The following ANKRD13A variants were observed in gnomAD, a reference collection of about 807,000 sequenced individuals.
The protein encoded by ANKRD13A is ankyrin repeat domain 13A.
Under a neutral mutation model 81.3 loss-of-function variants are expected in ANKRD13A, and 48 were observed. That is an observed-to-expected ratio of 0.59 (90% CI 0.47 to 0.75). ANKRD13A has a LOEUF of 0.75. Among genes scored for constraint, ANKRD13A ranks in the 30% least tolerant of loss-of-function variants. The pLI, the probability that ANKRD13A is intolerant of heterozygous loss-of-function variation, is 0.00. For synonymous variants in ANKRD13A, 230 were observed against 270.1 expected (o/e 0.85, Z 1.45); for missense variants, 612 against 734.0 (o/e 0.83, Z 1.92).
At position 110,013,160 on chromosome 12, in the gene ANKRD13A, A is replaced by G; in HGVS notation, c.265A>G (p.Met89Val). The G allele has an allele frequency of 5.0e-6, 8 of 1,614,180 alleles. No individual in the cohort carries two copies. The highest frequency in any genetic ancestry group is 6.8e-6 in the Non-Finnish European group (8 of 1,180,020). ...HEAVSTGDPE[M>V]VYTVLQHRDY... ...GGCTGTGAGCACTGGCGATCCTGAG[A>G]TGGTGTACACAGTTCTCCAACATCG... Residue 89 changes from methionine (M) to valine (V), a missense_variant, in exon 3 of 15, where the codon ATG (methionine) becomes GTG (valine). Met to Val is a conservative substitution (Grantham distance 21, BLOSUM62 1). Transcript: ENST00000261739.
rs1179698147 is a variant in ANKRD13A, at chr12:110,038,856, T to C, written c.*1302T>C. 6.6e-6 allele frequency: 1 copy of C among 152,134 alleles called. No individual in the cohort carries two copies. The highest frequency in any genetic ancestry group is 1.9e-4 in the East Asian group (1 of 5,176). 9.4% of individuals were successfully genotyped at this position (152,134 alleles called of 1,614,324 possible). A position where few individuals can be genotyped will look rare whatever the true frequency, so the allele number is the denominator to read the frequency against. On this transcript the variant is annotated 3_prime_UTR_variant, in exon 15 of 15. Transcript: ENST00000261739. Reference sequence around the variant, plus strand: ...CAAGGGCACTGCTCACTGTGGCCCGTGTATTCATTCCCACAGGCTGCACTG... The same window carrying C: ...CAAGGGCACTGCTCACTGTGGCCCGCGTATTCATTCCCACAGGCTGCACTG...
At position 110,033,893 on chromosome 12, in the gene ANKRD13A, A is replaced by G; in HGVS notation, c.1445A>G (p.Asp482Gly). 6.2e-7 allele frequency: 1 copy of G among 1,613,752 alleles called. No homozygotes were observed. The highest frequency in any genetic ancestry group is 8.5e-7 in the Non-Finnish European group (1 of 1,179,876). ...QDNGRNVHLQ[D>G]EDYEIMQFAI... Reference sequence around the variant, plus strand: ...AATGGCAGAAATGTGCATTTGCAAGATGAAGATTACGAGATAATGCAGTTT... The same window carrying G: ...AATGGCAGAAATGTGCATTTGCAAGGTGAAGATTACGAGATAATGCAGTTT... The change falls in exon 13 of 15, where the codon GAT becomes GGT. Residue 482 changes from aspartate to glycine, a missense_variant. By Grantham distance (94) the Asp-to-Gly change is moderately conservative. Transcript: ENST00000261739.
intron 4 of ANKRD13A, 115 bp downstream of exon 4, chr12:110,016,548 A>G (rs868519969): frequency 2.1e-6 from 2 of 946,982 alleles, no homozygotes; most frequent in African/African-American, 1.6e-5. Flanking sequence ...AAGGAAATAC[A>G]TAGTGAAGAA....
At chr12:110,009,227 A>G (rs1415938955) in intron 1 of ANKRD13A, among the ~76,000 whole-genome samples, 1 of 152,006 alleles carries the variant, frequency 6.6e-6, no homozygotes, top group Non-Finnish European at 1.5e-5. Context: ...GGCTACAGGC[A>G]TGTGCCACCA....
chr12:110,004,808 A>C (rs1460044986), intron 1 of ANKRD13A, among the ~76,000 whole-genome samples: 7 of 152,202 alleles, frequency 4.6e-5, no homozygotes, highest in African/African-American at 1.7e-4. Flanking sequence ...AATAACAGGT[A>C]ACTCTTCTCA....
At chr12:110,027,438 A>G in intron 8 of ANKRD13A, 1 of 403,408 alleles carries the variant, frequency 2.5e-6, no homozygotes, top group Admixed American at 3.9e-5. Context: ...GTGGGGTTGG[A>G]ATCCAGGTCT....
chr12:110,018,601 A>T lies in ANKRD13A; in HGVS notation c.544+113A>T. 2 of 1,292,966 alleles carry T rather than the reference A, an allele frequency of 1.5e-6. No individual in the cohort carries two copies. Among genetic ancestry groups the T allele is most frequent in the South Asian group, 3.0e-5 (2 of 66,070 alleles). The allele number at this position is 1,292,966 out of a possible 1,614,324, so 80.1% of individuals were successfully genotyped here. On this transcript the variant is annotated intron_variant, in intron 5 of 14. Transcript: ENST00000261739. This position sits in a 1 kb window ranked among gnomAD's most constrained non-coding sequence, Gnocchi z 4.4. ...TTTTCTGTCTGATCCTTCCTAGGGC[A>T]TGTTTTTTTGGTTATTCTTATTAAT...
intron 2 of ANKRD13A, 65 bp downstream of exon 2, chr12:110,012,202 A>G: frequency 6.6e-7 from 1 of 1,503,764 alleles, no homozygotes; most frequent in Admixed American, 2.0e-5. Flanking sequence ...TGTCTCTACA[A>G]AAAAATATGA....
chr12:110,015,099 CTT>C (rs1890726697), intron 3 of ANKRD13A, among the ~76,000 whole-genome samples: 1 of 151,794 alleles, frequency 6.6e-6, no homozygotes, highest in African/African-American at 2.4e-5. Flanking sequence ...TGAAGGGTAA[CTT>C]TTAGATTTCT....
intron 1 of ANKRD13A, among the ~76,000 whole-genome samples, chr12:110,001,907 G>T (rs1394065226): frequency 6.6e-6 from 1 of 152,124 alleles, no homozygotes; most frequent in African/African-American, 2.4e-5. Flanking sequence ...ACATGGTACA[G>T]AGGTAAAAAC....
chr12:110,004,452 C>G (rs1890143199), intron 1 of ANKRD13A, among the ~76,000 whole-genome samples: 1 of 151,652 alleles, frequency 6.6e-6, no homozygotes, highest in Non-Finnish European at 1.5e-5. Flanking sequence ...CCCGTCTCTA[C>G]TAAAAATACA....
intron 12 of ANKRD13A, among the ~76,000 whole-genome samples, chr12:110,032,057 C>G (rs1891725516): frequency 1.3e-5 from 2 of 151,744 alleles, no homozygotes; most frequent in Admixed American, 1.3e-4. Flanking sequence ...ATTTCTTTTT[C>G]TTGACTTACT....
In ANKRD13A at chr12:110,025,818, A is replaced by G; in HGVS notation, c.878A>G (p.Tyr293Cys). 1 of 1,613,488 alleles carries G rather than the reference A, an allele frequency of 6.2e-7. No individual in the cohort carries two copies. ...EHLTEEEKKRYKADRNPLESL... is the reference protein window; with the variant it reads ...EHLTEEEKKRCKADRNPLESL... ...CTGACCGAGGAGGAAAAAAAGAGAT[A>G]TAAAGGTAATCACCACCACCCTCCC... The change falls in exon 8 of 15, where the codon TAT (tyrosine) becomes TGT (cysteine). Residue 293 changes from tyrosine (Y) to cysteine (C), a missense_variant. Transcript: ENST00000261739.
rs1182684731 is a variant in ANKRD13A, at chr12:110,039,310, T to C, written c.*1756T>C. On this transcript the variant is annotated 3_prime_UTR_variant, in exon 15 of 15. Coordinates refer to ENST00000261739, the MANE Select transcript of ANKRD13A (RefSeq NM_033121.2). ...CTGCTCCCTAAGGTCCTTGACTTTC[T>C]CCCCAGGAATTCACTTAAAAAGGGA... 1 of 152,218 alleles carries C rather than the reference T, an allele frequency of 6.6e-6. No homozygotes were observed. The highest frequency in any genetic ancestry group is 1.5e-5 in the Non-Finnish European group (1 of 68,036). The allele number at this position is 152,218 out of a possible 1,614,324, so 9.4% of individuals were successfully genotyped here. A position where few individuals can be genotyped will look rare whatever the true frequency, so the allele number is the denominator to read the frequency against.
chr12:110,018,461 A>G lies in ANKRD13A; in HGVS notation c.517A>G (p.Arg173Gly). 6.2e-7 allele frequency: 1 copy of G among 1,614,152 alleles called. No homozygotes were observed. The highest frequency in any genetic ancestry group is 8.5e-7 in the Non-Finnish European group (1 of 1,180,028). Residue 173 changes from arginine (R) to glycine (G), a missense_variant, in exon 5 of 15, where the codon AGG becomes GGG. Arg to Gly is a moderately radical substitution (Grantham distance 125). Transcript: ENST00000261739. This position sits in a 1 kb window ranked among gnomAD's most constrained non-coding sequence, Gnocchi z 4.4. ...GFENMSWIRGRRSFIFKGEDN... is the reference protein window; with the variant it reads ...GFENMSWIRGGRSFIFKGEDN... ...TGAAAACATGAGCTGGATAAGAGGGAGGCGTAGTTTTATATTTAAGGGAGA... is the reference window on the plus strand; with the variant it reads ...TGAAAACATGAGCTGGATAAGAGGGGGGCGTAGTTTTATATTTAAGGGAGA...
chr12:110,003,986 A>G (rs1334266433), intron 1 of ANKRD13A, among the ~76,000 whole-genome samples: 2 of 152,088 alleles, frequency 1.3e-5, no homozygotes, highest in Non-Finnish European at 2.9e-5. Context: ...GTGAAACCCC[A>G]TCTTTGCTAA....
chr12:110,011,413 G>A (rs1048875128), intron 1 of ANKRD13A, among the ~76,000 whole-genome samples: 21 of 152,304 alleles, frequency 1.4e-4, no homozygotes, highest in African/African-American at 4.3e-4. Context: ...ATCCGCATAC[G>A]TGCCCGGCAG....
intron 6 of ANKRD13A, 136 bp from the exon 7 acceptor site, chr12:110,023,910 G>A (rs1317820511): frequency 1.2e-6 from 1 of 821,572 alleles, no homozygotes; most frequent in South Asian, 1.7e-5. Context: ...ACCGCCTCCT[G>A]TGGACAATAG....
At chr12:110,022,420 G>C (rs933300282) in intron 6 of ANKRD13A, 1 of 150,728 alleles carries the variant, frequency 6.6e-6, no homozygotes, top group Non-Finnish European at 1.5e-5. Context: ...CTGCACTCCA[G>C]CCTGGGTGAC....
Sources: gnomAD v4.1 joint callset for allele counts (sites outside exome capture counted in the v4.1 genomes callset) on GRCh38, gnomAD v4.1.1 for gene constraint, Gnocchi (gnomAD v3.1) non-coding constraint, MANE v1.5 for transcripts, NCBI Gene and HGNC (gene_info 2026-07-23, HGNC 2026-07-21) for gene names.